Variants in CHST11 observed in about 807,000 individuals in gnomAD.
CHST11 encodes C4S-1.
A neutral mutation model predicts 30.4 loss-of-function variants in CHST11; 9 were observed. The observed-to-expected ratio is 0.30, with a 90% confidence interval of 0.18 to 0.52. The LOEUF (loss-of-function observed/expected upper bound fraction) is 0.52. CHST11 is among the 20% of genes least tolerant of loss of function. CHST11 has a pLI of 0.97. For synonymous variants in CHST11, 152 were observed against 187.8 expected (o/e 0.81, Z 1.56); for missense variants, 348 against 460.6 (o/e 0.76, Z 2.24).
intron 1 of CHST11, among the ~76,000 whole-genome samples, chr12:104,513,139 T>TGGGGGGGG (rs1565969846): frequency 7.5e-3 from 22 of 2,930 alleles, no homozygotes; most frequent in African/African-American, 0.015. Flanking sequence ...GGGGGGGGGT[T>TGGGGGGGG]GGGGGTGGGG....
At chr12:104,539,312 A>G (rs1271342141) in intron 1 of CHST11, among the ~76,000 whole-genome samples, 1 of 152,124 alleles carries the variant, frequency 6.6e-6, no homozygotes, top group Non-Finnish European at 1.5e-5. Flanking sequence ...GGGGATAATA[A>G]TAATATTGGT....
chr12:104,538,561 A>C (rs1416175280), intron 1 of CHST11, among the ~76,000 whole-genome samples: 1 of 152,120 alleles, frequency 6.6e-6, no homozygotes, highest in Non-Finnish European at 1.5e-5. Flanking sequence ...ATATTTTTTG[A>C]ACTTTGCCCA....
intron 1 of CHST11, among the ~76,000 whole-genome samples, chr12:104,505,042 C>T (rs2037890962): frequency 6.6e-6 from 1 of 152,112 alleles, no homozygotes; most frequent in Non-Finnish European, 1.5e-5. Context: ...TGTAGCCAAA[C>T]CCAGACCTTG....
intron 2 of CHST11, among the ~76,000 whole-genome samples, chr12:104,689,031 A>G (rs983127383): frequency 3.3e-5 from 5 of 152,254 alleles, no homozygotes; most frequent in African/African-American, 4.8e-5. Context: ...ATATGATACA[A>G]TTCTTTCTAT....
At chr12:104,553,568 C>CGAGAGAGAGAGAGAGAGA (rs3039120) in intron 1 of CHST11, 127 of 140,212 alleles carry the variant, frequency 9.1e-4, no homozygotes, top group African/African-American at 3.3e-3. Flanking sequence ...ATGGTGTCAG[C>CGAGAGAGAGAGAGAGAGA]GAGAGAGAGA....
At chr12:104,628,018 A>G (rs371152367) in intron 2 of CHST11, among the ~76,000 whole-genome samples, 31 of 152,344 alleles carry the variant, frequency 2.0e-4, no homozygotes, top group Middle Eastern at 6.8e-3. Flanking sequence ...CACTTTCCTA[A>G]GGTCACACAG....
chr12:104,558,336 G>A (rs1169352420), intron 1 of CHST11, among the ~76,000 whole-genome samples: 2 of 152,052 alleles, frequency 1.3e-5, no homozygotes, highest in African/African-American at 4.8e-5. Flanking sequence ...CCCCTTCTCT[G>A]TACCTGTCTT....
chr12:104,692,595 C>T (rs1403547823), intron 2 of CHST11, among the ~76,000 whole-genome samples: 2 of 152,060 alleles, frequency 1.3e-5, no homozygotes, highest in East Asian at 3.9e-4. Context: ...ACCAGGGGTC[C>T]CTAATGCCCC....
intron 1 of CHST11, among the ~76,000 whole-genome samples, chr12:104,483,729 C>G (rs1342202824): frequency 1.3e-5 from 2 of 152,212 alleles, no homozygotes; most frequent in Non-Finnish European, 2.9e-5. Flanking sequence ...ACAAGCTCCA[C>G]GTGTACTTAT....
chr12:104,600,247 C>T lies in CHST11; in HGVS notation c.119-1659C>T, dbSNP rs1249814699. Among the ~76,000 whole-genome samples, 1 of 152,180 alleles carries T rather than the reference C, an allele frequency of 6.6e-6. No individual in the cohort carries two copies. The highest frequency in any genetic ancestry group is 2.4e-5 in the African/African-American group (1 of 41,442). ...GAGACCTTCCAGATGTCATCAGCTG[C>T]TTTTGGATGACTCTCCTCCCTTTCC... is the stretch of plus-strand genomic sequence containing the variant. On this transcript the variant is annotated intron_variant, in intron 1 of 2. Coordinates refer to ENST00000303694, the MANE Select transcript of CHST11 (RefSeq NM_018413.6). This position sits in a 1 kb window ranked among gnomAD's most constrained non-coding sequence, Gnocchi z 4.1.
At chr12:104,487,164 G>A (rs554857989) in intron 1 of CHST11, among the ~76,000 whole-genome samples, 8 of 152,232 alleles carry the variant, frequency 5.3e-5, no homozygotes, top group South Asian at 2.1e-4. Context: ...TAATAACCCC[G>A]TTATCAACAT....
At chr12:104,690,003 C>T (rs567029020) in intron 2 of CHST11, among the ~76,000 whole-genome samples, 2 of 152,156 alleles carry the variant, frequency 1.3e-5, no homozygotes, top group Non-Finnish European at 2.9e-5. Flanking sequence ...TTTTGCATGA[C>T]ATTCTCAAGA....
intron 2 of CHST11, among the ~76,000 whole-genome samples, chr12:104,700,656 C>T (rs772604644): frequency 6.6e-6 from 1 of 152,180 alleles, no homozygotes; most frequent in Non-Finnish European, 1.5e-5. Flanking sequence ...CCTGGTAATA[C>T]ATTCATATTG....
intron 1 of CHST11, among the ~76,000 whole-genome samples, chr12:104,483,947 C>G (rs2037653292): frequency 1.3e-5 from 2 of 152,146 alleles, no homozygotes; most frequent in Admixed American, 1.3e-4. Context: ...CTGCTGGGGT[C>G]AGGGAGGATC....
intron 2 of CHST11, among the ~76,000 whole-genome samples, chr12:104,612,636 G>A (rs145139947): frequency 6.6e-6 from 1 of 152,290 alleles, no homozygotes; most frequent in Non-Finnish European, 1.5e-5. Flanking sequence ...GTCGTGTTCT[G>A]CTAGATGCTA....
intron 1 of CHST11, among the ~76,000 whole-genome samples, chr12:104,582,654 GAGGATCTGTCATTT>G (rs2038758209): frequency 2.0e-5 from 1 of 49,676 alleles, no homozygotes; most frequent in Non-Finnish European, 4.1e-5. Context: ...TATCATCCTA[GAGGATCTGTCATTT>G]ATTAACTGTG....
At chr12:104,650,045 A>G (rs2696000) in intron 2 of CHST11, among the ~76,000 whole-genome samples, 23,959 of 152,208 alleles carry the variant, frequency 0.16, 2,005 homozygotes, top group Non-Finnish European at 0.17. Context: ...TGAGAGAAGG[A>G]TTGGCAGAAG....
intron 2 of CHST11, among the ~76,000 whole-genome samples, chr12:104,719,055 G>A (rs1026564715): frequency 6.6e-6 from 1 of 152,188 alleles, no homozygotes; most frequent in Non-Finnish European, 1.5e-5. Context: ...ATGGGGCACA[G>A]TAAACCCAGC....
At chr12:104,631,174 G>A (rs541608933) in intron 2 of CHST11, among the ~76,000 whole-genome samples, 1 of 152,188 alleles carries the variant, frequency 6.6e-6, no homozygotes, top group South Asian at 2.1e-4. Context: ...TCGCAGTGGC[G>A]TATTTATGAA....
Sources: gnomAD v4.1 joint callset for allele counts (sites outside exome capture counted in the v4.1 genomes callset) on GRCh38, gnomAD v4.1.1 for gene constraint, Gnocchi (gnomAD v3.1) non-coding constraint, MANE v1.5 for transcripts, NCBI Gene and HGNC (gene_info 2026-07-23, HGNC 2026-07-21) for gene names.